Variants in CNTNAP4 observed in about 807,000 individuals in gnomAD.
CNTNAP4 encodes contactin associated protein family member 4.
In CNTNAP4, 98 loss-of-function variants were observed where a neutral mutation model predicts 148.4. The ratio of observed to expected loss-of-function variants is 0.66; its 90% CI spans 0.56 to 0.78. The LOEUF (loss-of-function observed/expected upper bound fraction) is 0.78. CNTNAP4 is among the 30% of genes least tolerant of loss of function. CNTNAP4 has a pLI of 0.00. For missense variants in CNTNAP4, 1,935 were observed against 1,565.6 expected (o/e 1.24, Z -3.98); for synonymous variants, 730 against 565.1 (o/e 1.29, Z -4.14).
chr16:76,547,521 A>T (rs1168156253), intron 21 of CNTNAP4, among the ~76,000 whole-genome samples: 2 of 152,208 alleles, frequency 1.3e-5, no homozygotes, highest in Non-Finnish European at 2.9e-5. Context: ...GTAGCAGTAA[A>T]AACCAGGTTG....
At chr16:76,432,106 T>C (rs947130362) in intron 4 of CNTNAP4, among the ~76,000 whole-genome samples, 2 of 152,162 alleles carry the variant, frequency 1.3e-5, no homozygotes, top group Admixed American at 1.3e-4. Flanking sequence ...TACTCATGTC[T>C]TGAAAAATGG....
intron 15 of CNTNAP4, among the ~76,000 whole-genome samples, chr16:76,503,807 C>T (rs563526877): frequency 3.3e-5 from 5 of 151,788 alleles, no homozygotes; most frequent in African/African-American, 9.7e-5. Context: ...CGATAGTTTG[C>T]TGAGAATGAT....
At chr16:76,481,869 G>C (rs530003244) in intron 12 of CNTNAP4, among the ~76,000 whole-genome samples, 2 of 152,228 alleles carry the variant, frequency 1.3e-5, no homozygotes, top group Middle Eastern at 3.4e-3. Flanking sequence ...GGAGTATGGT[G>C]AGTAAGTGGG....
At chr16:76,504,134 A>G (rs1359876290) in intron 15 of CNTNAP4, among the ~76,000 whole-genome samples, 5 of 152,118 alleles carry the variant, frequency 3.3e-5, no homozygotes, top group Admixed American at 3.3e-4. Context: ...AGAAAGTAGA[A>G]TAGCAAAAAT....
At chr16:76,287,054 T>C (rs762777746) in intron 1 of CNTNAP4, among the ~76,000 whole-genome samples, 2 of 152,206 alleles carry the variant, frequency 1.3e-5, no homozygotes, top group Non-Finnish European at 2.9e-5. Flanking sequence ...TAAGAAAACT[T>C]CATGCTCACA....
intron 8 of CNTNAP4, among the ~76,000 whole-genome samples, chr16:76,453,695 A>G (rs2080610294): frequency 6.6e-6 from 1 of 152,196 alleles, no homozygotes; most frequent in African/African-American, 2.4e-5. Context: ...AAGTTAAAAT[A>G]CAGTTGAAAA....
intron 2 of CNTNAP4, among the ~76,000 whole-genome samples, chr16:76,317,267 A>AC (rs1364271918): frequency 1.1e-4 from 13 of 116,258 alleles, no homozygotes; most frequent in African/African-American, 4.3e-4. Flanking sequence ...AAAAAAAACA[A>AC]AAAAAAAAAC....
rs923276428 is a variant in CNTNAP4 at position 76,525,916 on chromosome 16, T to C, written c.2755+3659T>C. ...ATATAGTTTATACATATATAAAATATATAGTTTATTTACATATAGTTCATA... is the reference window on the plus strand; with the variant it reads ...ATATAGTTTATACATATATAAAATACATAGTTTATTTACATATAGTTCATA... On this transcript the variant is annotated intron_variant, in intron 17 of 23. Coordinates refer to ENST00000611870, the MANE Select transcript of CNTNAP4 (RefSeq NM_033401.5). 5.3e-5 allele frequency among the ~76,000 whole-genome samples: 8 copies of C among 150,056 alleles called. No individual in the cohort carries two copies. The East Asian group carries it at 1.4e-3, about 25-fold the overall frequency.
chr16:76,337,750 A>G (rs1964140649), intron 2 of CNTNAP4, among the ~76,000 whole-genome samples: 1 of 152,128 alleles, frequency 6.6e-6, no homozygotes, highest in South Asian at 2.1e-4. Context: ...CATAAGACAG[A>G]CACTCCCAGA....
At chr16:76,287,445 C>T (rs34041809) in intron 1 of CNTNAP4, among the ~76,000 whole-genome samples, 36,230 of 152,076 alleles carry the variant, frequency 0.24, 5,243 homozygotes, top group Non-Finnish European at 0.33. Context: ...TTGCTATGTG[C>T]TTGCCTGTGG....
At chr16:76,329,506 T>C (rs946889169) in intron 2 of CNTNAP4, among the ~76,000 whole-genome samples, 1 of 152,232 alleles carries the variant, frequency 6.6e-6, no homozygotes, top group African/African-American at 2.4e-5. Context: ...ACTCTATAGA[T>C]GTGGTTCCAT....
chr16:76,461,437 C>T lies in CNTNAP4; in HGVS notation c.1334-519C>T, dbSNP rs144450652. On this transcript the variant is annotated intron_variant, in intron 8 of 23. Coordinates refer to ENST00000611870, the MANE Select transcript of CNTNAP4 (RefSeq NM_033401.5). ...TATCAAATCTACAAACTACGAGGAT[C>T]AATTGCATATACATGGCTTTTCACG... 1.3e-4 allele frequency among the ~76,000 whole-genome samples: 20 copies of T among 152,272 alleles called. No homozygotes were observed. In the East Asian group the frequency reaches 3.5e-3, roughly 26 times the overall value.
intron 14 of CNTNAP4, 142 bp downstream of exon 14, chr16:76,495,208 G>A (rs2143834686): frequency 1.2e-6 from 1 of 808,152 alleles, no homozygotes; most frequent in Non-Finnish European, 2.0e-6. Flanking sequence ...GAAACGTGGT[G>A]TAGTCAATAT....
chr16:76,450,065 T>C (rs1387394226), intron 7 of CNTNAP4, among the ~76,000 whole-genome samples: 1 of 152,174 alleles, frequency 6.6e-6, no homozygotes, highest in Non-Finnish European at 1.5e-5. Context: ...TATTTTTATA[T>C]GAAGTAAAGC....
At chr16:76,470,390 C>T (rs2081320839) in intron 10 of CNTNAP4, among the ~76,000 whole-genome samples, 1 of 150,622 alleles carries the variant, frequency 6.6e-6, no homozygotes, top group Admixed American at 6.6e-5. Context: ...CCTGTAATCC[C>T]AGCACTTTGG....
chr16:76,349,927 A>G (rs1445870441), intron 2 of CNTNAP4, among the ~76,000 whole-genome samples: 2 of 151,972 alleles, frequency 1.3e-5, no homozygotes, highest in East Asian at 1.9e-4. Context: ...TAATATTACT[A>G]CGGGATAAAG....
chr16:76,309,956 T>A lies in CNTNAP4; in HGVS notation c.86-6457T>A, dbSNP rs1352209968. 4 of 696,450 alleles carry A rather than the reference T, an allele frequency of 5.7e-6. No individual in the cohort carries two copies. The Admixed American group carries it at 8.1e-5, about 14-fold the overall frequency. The allele number at this position is 696,450 out of a possible 1,614,324, so 43.1% of individuals were successfully genotyped here. A position where few individuals can be genotyped will look rare whatever the true frequency, so the allele number is the denominator to read the frequency against. ...CTTCCCCGTCTCGGGTATGTCTTTA[T>A]CAGCAGCATGGAAACGGACTAAAAC... is the stretch of plus-strand genomic sequence containing the variant. On this transcript the variant is annotated intron_variant, in intron 1 of 23. Coordinates refer to ENST00000611870, the MANE Select transcript of CNTNAP4 (RefSeq NM_033401.5).
At chr16:76,322,553 A>C (rs141550412) in intron 2 of CNTNAP4, among the ~76,000 whole-genome samples, 1 of 152,206 alleles carries the variant, frequency 6.6e-6, no homozygotes, top group Non-Finnish European at 1.5e-5. Flanking sequence ...GATTGGCAAG[A>C]TATTTCACCA....
intron 3 of CNTNAP4, among the ~76,000 whole-genome samples, chr16:76,395,216 C>G (rs1015670334): frequency 6.6e-6 from 1 of 151,780 alleles, no homozygotes; most frequent in African/African-American, 2.4e-5. Context: ...AGGGCATCAG[C>G]AGATTTGATA....
Sources: allele counts gnomAD v4.1 joint callset (sites outside exome capture counted in the v4.1 genomes callset), GRCh38; gene constraint gnomAD v4.1.1; transcripts MANE v1.5; gene names NCBI Gene and HGNC (gene_info 2026-07-23, HGNC 2026-07-21).